Variants in WWC2 observed in about 807,000 individuals in gnomAD.
The protein encoded by WWC2 is protein WWC2.
In WWC2, 101 loss-of-function variants were observed where a neutral mutation model predicts 138.5. The ratio of observed to expected loss-of-function variants is 0.73; its 90% CI spans 0.62 to 0.86. The LOEUF is 0.86. WWC2 is among the 40% of genes least tolerant of loss of function. WWC2 has a pLI of 0.00. For missense variants in WWC2, 1,420 were observed against 1,419.4 expected (o/e 1.00, Z -0.01); for synonymous variants, 558 against 538.4 (o/e 1.04, Z -0.50).
At chr4:183,238,277 G>A (rs887871678) in intron 4 of WWC2, among the ~76,000 whole-genome samples, 13 of 151,960 alleles carry the variant, frequency 8.6e-5, no homozygotes, top group Admixed American at 2.6e-4. Flanking sequence ...CACCCTCCAC[G>A]TTGAGTCCAT....
chr4:183,247,787 T>A (rs1239574051), intron 6 of WWC2, among the ~76,000 whole-genome samples: 1 of 141,292 alleles, frequency 7.1e-6, no homozygotes, highest in African/African-American at 2.6e-5. Context: ...ATATATATAT[T>A]ATATATATAG....
chr4:183,229,385 C>T (rs562036032), intron 4 of WWC2, among the ~76,000 whole-genome samples: 2 of 152,196 alleles, frequency 1.3e-5, no homozygotes, highest in East Asian at 3.9e-4. Context: ...TAGTACTTAA[C>T]CCTGGTGGTT....
At chr4:183,184,657 G>GT (rs1329925007) in intron 1 of WWC2, among the ~76,000 whole-genome samples, 1 of 152,124 alleles carries the variant, frequency 6.6e-6, no homozygotes, top group Non-Finnish European at 1.5e-5. Context: ...TTGTGTATGT[G>GT]TTTTTTAATG....
chr4:183,179,427 A>G (rs536717894), intron 1 of WWC2, among the ~76,000 whole-genome samples: 1 of 152,298 alleles, frequency 6.6e-6, no homozygotes, highest in East Asian at 1.9e-4. Flanking sequence ...TTATAGAGGG[A>G]TGAGAGTGGA....
rs911709889 is a variant in WWC2 at position 183,115,214 on chromosome 4, T to C, written c.131+15592T>C. Among the ~76,000 whole-genome samples the C allele has an allele frequency of 3.3e-5, 5 of 152,362 alleles. No individual in the cohort carries two copies. In the East Asian group the frequency reaches 7.7e-4, roughly 23 times the overall value. On this transcript the variant is annotated intron_variant, in intron 1 of 22. Coordinates refer to ENST00000403733, the MANE Select transcript of WWC2 (RefSeq NM_024949.6). ...GCAGAGATCATGATTTCATTCTTTTTTGTGGTGCATAGTGTTCCATGGTGT... is the reference window on the plus strand; with the variant it reads ...GCAGAGATCATGATTTCATTCTTTTCTGTGGTGCATAGTGTTCCATGGTGT...
At chr4:183,256,642 T>C (rs1458460089) in intron 9 of WWC2, among the ~76,000 whole-genome samples, 2 of 152,142 alleles carry the variant, frequency 1.3e-5, no homozygotes, top group Non-Finnish European at 2.9e-5. Flanking sequence ...TGTGTGAAAC[T>C]CAGTTTCATC....
chr4:183,231,527 C>T (rs950894188), intron 4 of WWC2, among the ~76,000 whole-genome samples: 4 of 151,948 alleles, frequency 2.6e-5, no homozygotes, highest in Non-Finnish European at 4.4e-5. Context: ...GCCTTGGCCT[C>T]CTAAAGTGCT....
At chr4:183,259,265 G>A (rs1015990812) in intron 9 of WWC2, among the ~76,000 whole-genome samples, 1 of 152,160 alleles carries the variant, frequency 6.6e-6, no homozygotes, top group Admixed American at 6.5e-5. Context: ...TTAGGAAAGG[G>A]TTCCCAGGTC....
chr4:183,251,640 G>A (rs1736985949), intron 8 of WWC2, among the ~76,000 whole-genome samples: 1 of 152,096 alleles, frequency 6.6e-6, no homozygotes, highest in Non-Finnish European at 1.5e-5. Flanking sequence ...TCTTTTTCCT[G>A]TATTATGTTA....
chr4:183,109,484 C>G (rs556828947), intron 1 of WWC2, among the ~76,000 whole-genome samples: 9 of 152,154 alleles, frequency 5.9e-5, no homozygotes, highest in African/African-American at 1.7e-4. Context: ...GGAGGAGTTG[C>G]GAGGGATGGT....
intron 14 of WWC2, among the ~76,000 whole-genome samples, chr4:183,267,996 A>G (rs1009601167): frequency 2.0e-5 from 3 of 152,192 alleles, no homozygotes; most frequent in African/African-American, 7.2e-5. Flanking sequence ...CCTCCCAGGG[A>G]CAGTGAGCTG....
At chr4:183,224,094 T>G (rs1330713007) in intron 4 of WWC2, among the ~76,000 whole-genome samples, 1 of 152,140 alleles carries the variant, frequency 6.6e-6, no homozygotes, top group Non-Finnish European at 1.5e-5. Flanking sequence ...CAAAACTAGG[T>G]CATTTGTAGA....
chr4:183,119,540 G>A (rs979834555), intron 1 of WWC2, among the ~76,000 whole-genome samples: 27 of 152,140 alleles, frequency 1.8e-4, no homozygotes, highest in African/African-American at 5.8e-4. Flanking sequence ...ATTTCAAGAC[G>A]GGGTATAAAG....
intron 2 of WWC2, among the ~76,000 whole-genome samples, chr4:183,201,333 A>C (rs960712445): frequency 6.6e-6 from 1 of 152,148 alleles, no homozygotes; most frequent in African/African-American, 2.4e-5. Context: ...AAATATTTAC[A>C]TCTTTAAAAT....
chr4:183,230,893 G>GAAGTGA (rs1736225337), intron 4 of WWC2, among the ~76,000 whole-genome samples: 1 of 152,156 alleles, frequency 6.6e-6, no homozygotes, highest in South Asian at 2.1e-4. Flanking sequence ...TTTGAATTTT[G>GAAGTGA]AAGTGAAATG....
At chr4:183,247,751 C>T (rs920202856) in intron 6 of WWC2, among the ~76,000 whole-genome samples, 4 of 134,344 alleles carry the variant, frequency 3.0e-5, no homozygotes, top group African/African-American at 5.7e-5. Flanking sequence ...ATATATACTA[C>T]ATAATATATA....
chr4:183,258,673 CAG>C (rs1350458409), intron 9 of WWC2, among the ~76,000 whole-genome samples: 1 of 152,158 alleles, frequency 6.6e-6, no homozygotes, highest in East Asian at 1.9e-4. Context: ...CAGGGAGACA[CAG>C]GGGAATTATA....
chr4:183,182,179 T>C (rs1734651630), intron 1 of WWC2, among the ~76,000 whole-genome samples: 1 of 152,166 alleles, frequency 6.6e-6, no homozygotes, highest in Admixed American at 6.5e-5. Context: ...GTAATACAGG[T>C]GTATTTTAAT....
At chr4:183,104,445 T>C (rs1201119933) in intron 1 of WWC2, among the ~76,000 whole-genome samples, 1 of 152,194 alleles carries the variant, frequency 6.6e-6, no homozygotes, top group Non-Finnish European at 1.5e-5. Context: ...TTTAAAATAA[T>C]AAGAGAATTG....
Sources: gnomAD v4.1 joint callset for allele counts (sites outside exome capture counted in the v4.1 genomes callset) on GRCh38, gnomAD v4.1.1 for gene constraint, MANE v1.5 for transcripts, NCBI Gene and HGNC (gene_info 2026-07-23, HGNC 2026-07-21) for gene names.